P2RX3: variants seen among roughly 807,000 people sequenced by gnomAD.
P2RX3 encodes purinergic receptor P2X 3.
A neutral mutation model predicts 51.5 loss-of-function variants in P2RX3; 41 were observed. The observed-to-expected ratio is 0.80, with a 90% CI of 0.62 to 1.03. The LOEUF is 1.03. Among genes scored for constraint, P2RX3 ranks in the 50% least tolerant of loss-of-function variants. The pLI is 0.00. For synonymous variants in P2RX3, 185 were observed against 191.6 expected (o/e 0.97, Z 0.29); for missense variants, 459 against 522.1 (o/e 0.88, Z 1.18).
rs144923111 is a variant in P2RX3, at chr11:57,349,132, G to A, written c.563+428G>A. ...TACTCATTCCACAGCTACTCAGTGG[G>A]CATTGGCCATGTGCAGAGGGCAATG... On this transcript the variant is annotated intron_variant, in intron 6 of 11. Transcript: ENST00000263314. Among the ~76,000 whole-genome samples the A allele has an allele frequency of 4.0e-3, 605 of 152,202 alleles. 5 individuals are homozygous for A. The highest frequency in any genetic ancestry group is 0.013 in the African/African-American group (557 of 41,506).
Position 57,369,935 on chromosome 11 carries a change from A to C in P2RX3, c.1132A>C (p.Ser378Arg), listed in dbSNP as rs769951605. 6 of 1,614,092 alleles carry C rather than the reference A, an allele frequency of 3.7e-6. No individual in the cohort carries two copies. In the South Asian group the frequency reaches 6.6e-5, roughly 18 times the overall value. ...IAALTNPVYPSDQTTAEKQST... is the reference protein window; with the variant it reads ...IAALTNPVYPRDQTTAEKQST... ...GGCTTTGACCAACCCAGTGTACCCC[A>C]GCGACCAGACCACAGCGGAGAAGCA... The change falls in exon 12 of 12, where the codon AGC becomes CGC. Residue 378 changes from serine (S) to arginine (R), a missense_variant. Transcript: ENST00000263314.
intron 6 of P2RX3, among the ~76,000 whole-genome samples, chr11:57,349,082 T>C (rs771192124): frequency 2.0e-5 from 3 of 152,154 alleles, no homozygotes; most frequent in Non-Finnish European, 2.9e-5. Context: ...TTTCTCTTAG[T>C]CAGTTCAGCC....
In P2RX3 at chr11:57,349,298, C is replaced by CAA. The variant is rs34340558; in HGVS notation, c.564-442_564-441dup. On this transcript the variant is annotated intron_variant, in intron 6 of 11. Coordinates refer to ENST00000263314, the MANE Select transcript of P2RX3 (RefSeq NM_002559.5). Reference sequence around the variant, plus strand: ...CAACATGGTGAAACCCTGTCTGTACCAAAAAAAAAAAAAAAAAATTAGCCA... The same window carrying CAA: ...CAACATGGTGAAACCCTGTCTGTACCAAAAAAAAAAAAAAAAAAAATTAGCCA... Among the ~76,000 whole-genome samples, 41 of 122,658 alleles carry CAA rather than the reference C, an allele frequency of 3.3e-4. 1 individual carries two copies. The highest frequency in any genetic ancestry group is 1.1e-3 in the African/African-American group (37 of 34,300). The allele number at this position is 122,658 out of a possible 152,430, so 80.5% of individuals were successfully genotyped here.
At chr11:57,368,612 G>T (rs572365236) in intron 10 of P2RX3, among the ~76,000 whole-genome samples, 175 bp downstream of exon 10, 1 of 152,312 alleles carries the variant, frequency 6.6e-6, no homozygotes, top group East Asian at 1.9e-4. Context: ...CGTCAGCCCT[G>T]GCTGGAACGT....
chr11:57,353,837 T>TCCCCCCCCC (rs3837409), intron 8 of P2RX3, among the ~76,000 whole-genome samples: 5 of 120,908 alleles, frequency 4.1e-5, no homozygotes, highest in Non-Finnish European at 5.1e-5. Flanking sequence ...CAAATGTCAC[T>TCCCCCCCCC]CCCCCCCCCC....
chr11:57,353,542 C>CT (rs1241141912), intron 8 of P2RX3, among the ~76,000 whole-genome samples: 4 of 152,310 alleles, frequency 2.6e-5, no homozygotes, highest in African/African-American at 9.6e-5. Context: ...GTGGTTGACA[C>CT]TTTCATCCCA....
rs1264714766 is a variant in P2RX3 at position 57,370,200 on chromosome 11, C to T, written c.*203C>T. 1.1e-5 allele frequency: 6 copies of T among 556,924 alleles called. No homozygotes were observed. The highest frequency in any genetic ancestry group is 1.9e-5 in the Non-Finnish European group (6 of 312,510). 34.5% of individuals were successfully genotyped at this position (556,924 alleles called of 1,614,324 possible). On this transcript the variant is annotated 3_prime_UTR_variant, in exon 12 of 12. Coordinates refer to ENST00000263314, the MANE Select transcript of P2RX3 (RefSeq NM_002559.5). ...TGCTGAGACCCCAATCTCACCTTCA[C>T]TCCTTGCCTGGCCCCATCTGCTTCC...
intron 2 of P2RX3, among the ~76,000 whole-genome samples, 184 bp from the exon 3 acceptor site, chr11:57,346,932 G>A (rs994338745): frequency 2.6e-5 from 4 of 152,220 alleles, no homozygotes; most frequent in Non-Finnish European, 4.4e-5. Context: ...ACACATGGGA[G>A]AAGGGGGCCA....
intron 9 of P2RX3, 83 bp downstream of exon 9, chr11:57,368,185 G>T (rs1012507489): frequency 1.0e-5 from 15 of 1,451,168 alleles, no homozygotes; most frequent in East Asian, 4.5e-5. Flanking sequence ...CTCCTCTGGG[G>T]GGCAGGGGTC....
intron 8 of P2RX3, among the ~76,000 whole-genome samples, chr11:57,360,739 G>A (rs888531943): frequency 6.6e-6 from 1 of 150,782 alleles, no homozygotes; most frequent in East Asian, 2.0e-4. Flanking sequence ...AGGATGCAGT[G>A]AGCCGAGATC....
At position 57,350,807 on chromosome 11, in the gene P2RX3, A is replaced by G. The variant is rs1351442821; in HGVS notation, c.751A>G (p.Lys251Glu). The G allele has an allele frequency of 1.2e-6, 2 of 1,613,822 alleles. No individual in the cohort carries two copies. Among genetic ancestry groups the G allele is most frequent in the Non-Finnish European group, 8.5e-7 (1 of 1,179,984 alleles). ...IKIGWVCDLD[K>E]AWDQCIPKYS... ...GATCGGCTGGGTGTGCGACTTGGAC[A>G]AGGCCTGGGACCAGTGCATCCCCAA... The change falls in exon 8 of 12, where the codon AAG (lysine) becomes GAG (glutamate). Residue 251 changes from lysine to glutamate, a missense_variant. Transcript: ENST00000263314.
Position 57,346,526 on chromosome 11 carries a change from T to C in P2RX3, c.120-18T>C, listed in dbSNP as rs778330179. The C allele has an allele frequency of 5.6e-6, 9 of 1,613,200 alleles. No individual in the cohort carries two copies. The highest frequency in any genetic ancestry group is 7.6e-6 in the Non-Finnish European group (9 of 1,179,612). The stretch of plus-strand genomic sequence containing the variant: ...ATGGACTCCTCTCTTTCTCTTCATT[T>C]ATGCTCTCCTGCCCCAGGTGGGTTT... On this transcript the variant is annotated intron_variant, in intron 1 of 11. Coordinates refer to ENST00000263314, the MANE Select transcript of P2RX3 (RefSeq NM_002559.5).
intron 9 of P2RX3, 36 bp from the exon 10 acceptor site, chr11:57,368,336 C>A (rs371403193): frequency 2.5e-5 from 40 of 1,611,298 alleles, no homozygotes; most frequent in Non-Finnish European, 3.4e-5. Flanking sequence ...ATCCCATGGG[C>A]CCTCTGCCCA....
chr11:57,369,242 A>G, intron 10 of P2RX3, 119 bp from the exon 11 acceptor site: 1 of 797,040 alleles, frequency 1.3e-6, no homozygotes, highest in Non-Finnish European at 2.1e-6. Flanking sequence ...CAAGGGTGAA[A>G]TGTCCTGCCC....
intron 1 of P2RX3, among the ~76,000 whole-genome samples, chr11:57,339,064 G>T (rs1015276928): frequency 1.2e-4 from 18 of 152,138 alleles, no homozygotes; most frequent in Admixed American, 6.5e-4. Context: ...AGTCTTCGGG[G>T]TCTCAAAAAG....
intron 1 of P2RX3, 140 bp downstream of exon 1, chr11:57,338,809 T>G: frequency 1.6e-6 from 1 of 609,614 alleles, no homozygotes. Flanking sequence ...GAGCCGAGTC[T>G]TAAAGACTGG....
chr11:57,352,450 A>T (rs182071727), intron 8 of P2RX3, among the ~76,000 whole-genome samples: 54 of 152,348 alleles, frequency 3.5e-4, no homozygotes, highest in Non-Finnish European at 5.4e-4. Context: ...GGATATTTGT[A>T]TGGTGGCTTA....
chr11:57,351,960 AG>A (rs1565066742), intron 8 of P2RX3, among the ~76,000 whole-genome samples: 2 of 152,234 alleles, frequency 1.3e-5, no homozygotes, highest in African/African-American at 4.8e-5. Context: ...AGTTTCTGGC[AG>A]GGCCCTGTTT....
chr11:57,355,586 C>G (rs908630349), intron 8 of P2RX3, among the ~76,000 whole-genome samples: 6 of 152,116 alleles, frequency 3.9e-5, no homozygotes, highest in African/African-American at 1.4e-4. Flanking sequence ...AGTAATCCAC[C>G]CACCTTGGTC....
Sources: allele counts gnomAD v4.1 joint callset (sites outside exome capture counted in the v4.1 genomes callset), GRCh38; gene constraint gnomAD v4.1.1; transcripts MANE v1.5; gene names NCBI Gene and HGNC (gene_info 2026-07-23, HGNC 2026-07-21).